The following ADGRB3 variants were observed in gnomAD, a reference collection of about 807,000 sequenced individuals.
The protein encoded by ADGRB3 is brain-specific angiogenesis inhibitor 3.
A neutral mutation model predicts 193.4 loss-of-function variants in ADGRB3; 37 were observed. The observed-to-expected ratio is 0.19, with a 90% CI of 0.15 to 0.25. The LOEUF (loss-of-function observed/expected upper bound fraction) is 0.25, where lower values mean the gene tolerates loss of function less well. Among genes scored for constraint, ADGRB3 ranks in the 10% least tolerant of loss-of-function variants. The probability of loss-of-function intolerance (pLI) is 1.00; values close to 1 mark genes in which losing one functional copy is unlikely to be tolerated. For synonymous variants in ADGRB3, 690 were observed against 644.2 expected, an observed-to-expected ratio of 1.07 and a Z score of -1.08; for missense variants, 1,637 against 1,852.9, an observed-to-expected ratio of 0.88 and a Z score of 2.14.
At chr6:68,983,805 T>G (rs1339246691) in intron 10 of ADGRB3, among the ~76,000 whole-genome samples, 1 of 152,140 alleles carries the variant, frequency 6.6e-6, no homozygotes, top group African/African-American at 2.4e-5. Flanking sequence ...TACAGAATAA[T>G]GTTTGGAAAC....
At chr6:68,691,462 T>C (rs1765071327) in intron 3 of ADGRB3, among the ~76,000 whole-genome samples, 1 of 151,988 alleles carries the variant, frequency 6.6e-6, no homozygotes. Context: ...CGGCAACTTA[T>C]ATGCACTATT....
intron 20 of ADGRB3, among the ~76,000 whole-genome samples, chr6:69,249,155 T>G (rs563134432): frequency 1.8e-4 from 27 of 152,214 alleles, no homozygotes; most frequent in South Asian, 1.2e-3. Context: ...TTATTGTATT[T>G]TTAGTAGAGA....
At chr6:68,753,350 C>G (rs903867213) in intron 3 of ADGRB3, among the ~76,000 whole-genome samples, 1 of 152,166 alleles carries the variant, frequency 6.6e-6, no homozygotes, top group African/African-American at 2.4e-5. Context: ...TTATCTAAGT[C>G]TCTTGGGTGT....
intron 13 of ADGRB3, among the ~76,000 whole-genome samples, chr6:69,026,115 T>G (rs1458512945): frequency 6.6e-6 from 1 of 152,200 alleles, no homozygotes; most frequent in Admixed American, 6.5e-5. Context: ...GTGAATGAAT[T>G]AGACAAACCT....
chr6:69,364,299 G>T (rs1292273194), intron 29 of ADGRB3, among the ~76,000 whole-genome samples: 1 of 152,024 alleles, frequency 6.6e-6, no homozygotes, highest in Non-Finnish European at 1.5e-5. Flanking sequence ...GAGGAAAAAC[G>T]AGAGTTGAGG....
chr6:69,342,874 A>G (rs923621793), intron 26 of ADGRB3, among the ~76,000 whole-genome samples: 3 of 152,176 alleles, frequency 2.0e-5, no homozygotes, highest in African/African-American at 4.8e-5. Flanking sequence ...ATATATAAGC[A>G]ATGTAAAATA....
At chr6:69,263,495 A>G (rs1766972547) in intron 20 of ADGRB3, among the ~76,000 whole-genome samples, 1 of 152,002 alleles carries the variant, frequency 6.6e-6, no homozygotes, top group Non-Finnish European at 1.5e-5. Context: ...TCCTAACAGC[A>G]CAGTGTTGGA....
intron 20 of ADGRB3, among the ~76,000 whole-genome samples, chr6:69,297,073 G>A (rs932305749): frequency 1.3e-5 from 2 of 152,032 alleles, no homozygotes; most frequent in Non-Finnish European, 1.5e-5. Context: ...GATAAATGCA[G>A]CCTAACTGAT....
chr6:68,947,909 T>G (rs1379406594), intron 6 of ADGRB3, among the ~76,000 whole-genome samples: 1 of 152,090 alleles, frequency 6.6e-6, no homozygotes, highest in Non-Finnish European at 1.5e-5. Context: ...TTGTTACTCT[T>G]GAGAGTGAGG....
chr6:69,299,922 A>G (rs901639227), intron 20 of ADGRB3, among the ~76,000 whole-genome samples: 1 of 151,780 alleles, frequency 6.6e-6, no homozygotes, highest in Non-Finnish European at 1.5e-5. Flanking sequence ...TATGAAGACT[A>G]TCATTGGTAT....
At chr6:68,817,741 T>C (rs1001678078) in intron 3 of ADGRB3, among the ~76,000 whole-genome samples, 25 of 152,034 alleles carry the variant, frequency 1.6e-4, no homozygotes, top group Non-Finnish European at 2.8e-4. Context: ...TTTCTTACTG[T>C]TTTTCAAGCC....
At chr6:68,687,453 T>C (rs138111201) in intron 3 of ADGRB3, among the ~76,000 whole-genome samples, 145 of 152,292 alleles carry the variant, frequency 9.5e-4, no homozygotes, top group African/African-American at 3.4e-3. Flanking sequence ...GGATCTGGTT[T>C]GAGGCACCAA....
intron 13 of ADGRB3, among the ~76,000 whole-genome samples, chr6:69,027,171 T>C (rs1770458587): frequency 6.6e-6 from 1 of 152,052 alleles, no homozygotes; most frequent in Non-Finnish European, 1.5e-5. Flanking sequence ...TTTATGTATT[T>C]ATTCTATAAA....
intron 3 of ADGRB3, among the ~76,000 whole-genome samples, chr6:68,796,235 T>A (rs1386696225): frequency 6.6e-6 from 1 of 152,146 alleles, no homozygotes; most frequent in Non-Finnish European, 1.5e-5. Flanking sequence ...TGATCCAAAG[T>A]ATTCCATTCT....
chr6:69,231,807 C>T (rs1362359727), intron 17 of ADGRB3, among the ~76,000 whole-genome samples: 1 of 152,090 alleles, frequency 6.6e-6, no homozygotes, highest in Non-Finnish European at 1.5e-5. Flanking sequence ...AGTGCATTTT[C>T]TTCTTCAAAA....
Position 69,312,607 on chromosome 6 carries a change from A to G in ADGRB3, c.2815-12265A>G, listed in dbSNP as rs117607974. ...AAAAGGAGGCATTTTTCTCTTAGGTATGTAGAGAGGTCTGAGGACAGGATT... is the reference window on the plus strand; with the variant it reads ...AAAAGGAGGCATTTTTCTCTTAGGTGTGTAGAGAGGTCTGAGGACAGGATT... On this transcript the variant is annotated intron_variant, in intron 20 of 31. Coordinates refer to ENST00000370598, the MANE Select transcript of ADGRB3 (RefSeq NM_001704.3). Among the ~76,000 whole-genome samples, 587 of 151,780 alleles carry G rather than the reference A, an allele frequency of 3.9e-3. 3 individuals carry two copies. The highest frequency in any genetic ancestry group is 5.5e-3 in the Non-Finnish European group (375 of 67,770).
At chr6:69,224,525 C>T (rs1205210358) in intron 17 of ADGRB3, among the ~76,000 whole-genome samples, 1 of 151,808 alleles carries the variant, frequency 6.6e-6, no homozygotes, top group South Asian at 2.1e-4. Context: ...GATCAATGTT[C>T]GAGGCATTTT....
intron 21 of ADGRB3, among the ~76,000 whole-genome samples, chr6:69,326,598 A>G (rs2127310304): frequency 6.6e-6 from 1 of 152,264 alleles, no homozygotes; most frequent in South Asian, 2.1e-4. Context: ...ATGGGTTGGC[A>G]GAATAGTGGT....
intron 3 of ADGRB3, among the ~76,000 whole-genome samples, chr6:68,769,509 A>G (rs1766574877): frequency 6.6e-6 from 1 of 152,088 alleles, no homozygotes; most frequent in South Asian, 2.1e-4. Context: ...GGACACAGGG[A>G]GGGGAACATT....
Sources: gnomAD v4.1 joint callset for allele counts (sites outside exome capture counted in the v4.1 genomes callset) on GRCh38, gnomAD v4.1.1 for gene constraint, MANE v1.5 for transcripts, NCBI Gene and HGNC (gene_info 2026-07-23, HGNC 2026-07-21) for gene names.